The following MGMT variants were observed in gnomAD, a reference collection of about 807,000 sequenced individuals.
The protein encoded by MGMT is O-6-methylguanine-DNA methyltransferase, also known as methylated-DNA--protein-cysteine methyltransferase.
A neutral mutation model predicts 15.9 loss-of-function variants in MGMT; 14 were observed. That is an observed-to-expected ratio of 0.88 (90% CI 0.58 to 1.37). The LOEUF (loss-of-function observed/expected upper bound fraction) is 1.37, where lower values mean the gene tolerates loss of function less well. MGMT is among the 40% of genes most tolerant of loss of function. The pLI, the probability that MGMT is intolerant of heterozygous loss-of-function variation, is 0.00. For synonymous variants in MGMT, 130 were observed against 118.2 expected (o/e 1.10, Z -0.65); for missense variants, 282 against 268.1 (o/e 1.05, Z -0.36).
chr10:129,572,827 A>G (rs776909046), intron 2 of MGMT, among the ~76,000 whole-genome samples: 6 of 152,144 alleles, frequency 3.9e-5, no homozygotes, highest in East Asian at 1.9e-4. Flanking sequence ...CCTTTATTGT[A>G]TATGTGTACC....
rs549810132 is a variant in MGMT at position 129,635,418 on chromosome 10, C to G, written c.126-72477C>G. 2.1e-3 allele frequency among the ~76,000 whole-genome samples: 314 copies of G among 152,366 alleles called. 2 individuals are homozygous for G. Among genetic ancestry groups the G allele is most frequent in the African/African-American group, 7.5e-3 (313 of 41,588 alleles). On this transcript the variant is annotated intron_variant, in intron 2 of 4. Transcript: ENST00000651593. ...TGCCCCTCCGGGTGCCCGGAACTCT[C>G]AGGGCAGTCGCAGCCTTTTCTTCCT... is the stretch of plus-strand genomic sequence containing the variant.
At chr10:129,495,831 G>C (rs1845515035) in intron 1 of MGMT, among the ~76,000 whole-genome samples, 1 of 152,216 alleles carries the variant, frequency 6.6e-6, no homozygotes, top group Non-Finnish European at 1.5e-5. Flanking sequence ...AGTTCCTGCA[G>C]AAATAGGCCT....
chr10:129,734,687 G>C (rs1438524900), intron 3 of MGMT, among the ~76,000 whole-genome samples: 4 of 152,090 alleles, frequency 2.6e-5, no homozygotes, highest in Admixed American at 2.6e-4. Flanking sequence ...GTATGATATT[G>C]GCTGTGGGTT....
chr10:129,542,015 G>A lies in MGMT; in HGVS notation c.125+5638G>A, dbSNP rs186277407. ...GGCCTGACCCTAGACCCTCTGGAAC[G>A]TGAGAACGTATCCTGCCGGGCCTCT... On this transcript the variant is annotated intron_variant, in intron 2 of 4. Transcript: ENST00000651593. 3.2e-3 allele frequency among the ~76,000 whole-genome samples: 482 copies of A among 152,294 alleles called. 5 individuals are homozygous for A. Among genetic ancestry groups the A allele is most frequent in the Non-Finnish European group, 4.5e-3 (307 of 68,022 alleles).
At chr10:129,512,566 G>T (rs1024716579) in intron 1 of MGMT, among the ~76,000 whole-genome samples, 2 of 152,070 alleles carry the variant, frequency 1.3e-5, no homozygotes, top group African/African-American at 2.4e-5. Flanking sequence ...CAGGGCTCTT[G>T]TAAGGATTAG....
At chr10:129,557,514 C>T (rs186500195) in intron 2 of MGMT, among the ~76,000 whole-genome samples, 1 of 152,224 alleles carries the variant, frequency 6.6e-6, no homozygotes, top group African/African-American at 2.4e-5. Flanking sequence ...AGATAATAAC[C>T]TAGGACCTTA....
rs545246984 is a variant in MGMT at position 129,632,063 on chromosome 10, G to A, written c.126-75832G>A. On this transcript the variant is annotated intron_variant, in intron 2 of 4. Transcript: ENST00000651593. ...TCTAGTTTGTTTTTATGCCTACAGCGTACAAATGTTACTAAAGTTTGGATT... is the reference window on the plus strand; with the variant it reads ...TCTAGTTTGTTTTTATGCCTACAGCATACAAATGTTACTAAAGTTTGGATT... 1.4e-4 allele frequency among the ~76,000 whole-genome samples: 21 copies of A among 152,224 alleles called. No homozygotes were observed. In the South Asian group the frequency reaches 3.9e-3, roughly 29 times the overall value.
rs1218345340 is a variant in MGMT, at chr10:129,566,672, A to G, written c.125+30295A>G. Among the ~76,000 whole-genome samples, 1 of 151,296 alleles carries G rather than the reference A, an allele frequency of 6.6e-6. No individual in the cohort carries two copies. Among genetic ancestry groups the G allele is most frequent in the Admixed American group, 6.6e-5 (1 of 15,162 alleles). ...TCTCCCACTGTTGGTCGTTGGCTGG[A>G]TCTCGTTGAAGGCCTGCGGAGATTC... On this transcript the variant is annotated intron_variant, in intron 2 of 4. Transcript: ENST00000651593. This position sits in a 1 kb window ranked among gnomAD's most constrained non-coding sequence, Gnocchi z 4.1.
intron 2 of MGMT, among the ~76,000 whole-genome samples, chr10:129,655,976 A>G (rs997598056): frequency 1.3e-5 from 2 of 152,210 alleles, no homozygotes; most frequent in African/African-American, 4.8e-5. Flanking sequence ...GGCAGCAGTC[A>G]GAGGTGCCCT....
intron 4 of MGMT, among the ~76,000 whole-genome samples, chr10:129,765,521 C>T (rs1267753873): frequency 6.6e-6 from 1 of 152,140 alleles, no homozygotes; most frequent in African/African-American, 2.4e-5. Flanking sequence ...TAGCAGACCT[C>T]AAGATTTTAG....
chr10:129,717,305 T>G (rs1200820649), intron 3 of MGMT, among the ~76,000 whole-genome samples: 2 of 152,262 alleles, frequency 1.3e-5, no homozygotes, highest in African/African-American at 4.8e-5. Context: ...TCTTCATTAG[T>G]ACCTGCTCTG....
At chr10:129,688,727 G>T (rs990851572) in intron 2 of MGMT, among the ~76,000 whole-genome samples, 1 of 152,060 alleles carries the variant, frequency 6.6e-6, no homozygotes, top group South Asian at 2.1e-4. Flanking sequence ...CAAAAGCAAT[G>T]GCAACAAAAG....
rs552242705 is a variant in MGMT, at chr10:129,551,652, G to C, written c.125+15275G>C. On this transcript the variant is annotated intron_variant, in intron 2 of 4. Transcript: ENST00000651593. ...TTCTATCTCTGTAAGTTTCTCCGAG[G>C]TATTTTCACCTGTACTGACATTGTA... 2.0e-5 allele frequency among the ~76,000 whole-genome samples: 3 copies of C among 152,260 alleles called. No homozygotes were observed. The South Asian group carries it at 6.2e-4, about 32-fold the overall frequency.
chr10:129,522,772 A>G (rs1845827457), intron 1 of MGMT, among the ~76,000 whole-genome samples: 1 of 152,148 alleles, frequency 6.6e-6, no homozygotes, highest in South Asian at 2.1e-4. Context: ...AGAAAGAGGA[A>G]CTTCCCCTCA....
At chr10:129,498,374 G>T (rs958544040) in intron 1 of MGMT, among the ~76,000 whole-genome samples, 1 of 152,214 alleles carries the variant, frequency 6.6e-6, no homozygotes, top group Non-Finnish European at 1.5e-5. Flanking sequence ...CTTAGTGACC[G>T]TGGGTGTGTC....
At chr10:129,698,773 T>C (rs1035358686) in intron 2 of MGMT, among the ~76,000 whole-genome samples, 4 of 152,210 alleles carry the variant, frequency 2.6e-5, no homozygotes, top group Admixed American at 6.5e-5. Context: ...TTTAATAAAT[T>C]GTAGTCTCAC....
At chr10:129,515,403 G>A (rs1436996216) in intron 1 of MGMT, among the ~76,000 whole-genome samples, 1 of 152,214 alleles carries the variant, frequency 6.6e-6, no homozygotes, top group Non-Finnish European at 1.5e-5. Flanking sequence ...CCGTTGAAGG[G>A]CAGTGCTCCT....
intron 2 of MGMT, among the ~76,000 whole-genome samples, chr10:129,605,819 G>A (rs527391865): frequency 1.3e-5 from 2 of 152,272 alleles, no homozygotes; most frequent in East Asian, 3.9e-4. Flanking sequence ...CAACTGGTAT[G>A]TGCTTGCGTG....
rs74434518 is a variant in MGMT at position 129,603,755 on chromosome 10, A to G, written c.125+67378A>G. ...ATGGGCAGCTTGTCGGGCACAAAAA[A>G]TACCAGCACTTACACTGTGAAGAAT... On this transcript the variant is annotated intron_variant, in intron 2 of 4. Transcript: ENST00000651593. 4.1e-3 allele frequency among the ~76,000 whole-genome samples: 632 copies of G among 152,400 alleles called. 5 individuals are homozygous for G. Among genetic ancestry groups the G allele is most frequent in the African/African-American group, 0.014 (601 of 41,598 alleles).
Sources: gnomAD v4.1 joint callset for allele counts (sites outside exome capture counted in the v4.1 genomes callset) on GRCh38, gnomAD v4.1.1 for gene constraint, Gnocchi (gnomAD v3.1) non-coding constraint, MANE v1.5 for transcripts, NCBI Gene and HGNC (gene_info 2026-07-23, HGNC 2026-07-21) for gene names.